CSTPP1: variants seen among roughly 807,000 people sequenced by gnomAD.
The protein encoded by CSTPP1 is UPF0705 protein C11orf49.
At chr11:47,041,096 C>G in the CSTPP1 span, 1 of 190,356 alleles carries the variant, frequency 5.3e-6, no homozygotes, top group Non-Finnish European at 1.2e-5. Flanking sequence ...GCCCCCTGCA[C>G]CTCATGGGGA....
chr11:47,037,663 A>G, the CSTPP1 span, among the ~76,000 whole-genome samples: 1 of 122,498 alleles, frequency 8.2e-6, no homozygotes. Flanking sequence ...TTCAACCCTG[A>G]GTGGATACAG....
chr11:46,951,276 A>G, the CSTPP1 span, among the ~76,000 whole-genome samples: 1 of 150,124 alleles, frequency 6.7e-6, no homozygotes, highest in Non-Finnish European at 1.5e-5. Context: ...TACAGAATAT[A>G]TGATATATTC....
chr11:46,967,610 A>G, the CSTPP1 span, among the ~76,000 whole-genome samples: 5 of 152,130 alleles, frequency 3.3e-5, no homozygotes, highest in East Asian at 9.6e-4. Context: ...GATTTGTAAA[A>G]TGAAGAATAA....
At chr11:47,163,731 C>A in the CSTPP1 span, among the ~76,000 whole-genome samples, 1 of 152,154 alleles carries the variant, frequency 6.6e-6, no homozygotes, top group Non-Finnish European at 1.5e-5. Flanking sequence ...CAACCTCTGC[C>A]TCCCGGGTTC....
the CSTPP1 span, among the ~76,000 whole-genome samples, chr11:47,105,297 C>G: frequency 6.6e-6 from 1 of 152,036 alleles, no homozygotes; most frequent in Non-Finnish European, 1.5e-5. Flanking sequence ...GGGTTCCAGA[C>G]TAGCCTGGGC....
chr11:47,065,977 T>TTGTGTGTGTGTGTGTGTGTGTG, the CSTPP1 span, among the ~76,000 whole-genome samples: 202 of 146,086 alleles, frequency 1.4e-3, 1 homozygote, highest in Non-Finnish European at 1.4e-3. Context: ...GGTCTAACAG[T>TTGTGTGTGTGTGTGTGTGTGTG]TGTGTGTGTG....
the CSTPP1 span, among the ~76,000 whole-genome samples, chr11:46,961,125 G>T: frequency 2.0e-5 from 3 of 152,218 alleles, no homozygotes; most frequent in South Asian, 6.2e-4. Context: ...GTAACTCTAT[G>T]TTTAACTTTT....
At chr11:47,141,622 T>C in the CSTPP1 span, among the ~76,000 whole-genome samples, 1 of 132,630 alleles carries the variant, frequency 7.5e-6, no homozygotes. Context: ...AAAAAAAAAA[T>C]CAAATAAGTA....
chr11:46,974,680 AAAAACAAAAC>A, the CSTPP1 span, among the ~76,000 whole-genome samples: 1 of 151,600 alleles, frequency 6.6e-6, no homozygotes, highest in Non-Finnish European at 1.5e-5. Flanking sequence ...ATCTATACCA[AAAAACAAAAC>A]AAAACAAAAC....
chr11:46,979,058 A>G, the CSTPP1 span, among the ~76,000 whole-genome samples: 14 of 152,364 alleles, frequency 9.2e-5, no homozygotes, highest in Admixed American at 9.1e-4. Flanking sequence ...CATATTACCA[A>G]TTAATATTAA....
the CSTPP1 span, among the ~76,000 whole-genome samples, chr11:47,113,984 G>A: frequency 7.9e-5 from 12 of 152,038 alleles, no homozygotes; most frequent in Non-Finnish European, 1.5e-4. Context: ...GTTTTAGGTC[G>A]AACATTTAAG....
At chr11:47,094,377 T>C in the CSTPP1 span, among the ~76,000 whole-genome samples, 1 of 152,288 alleles carries the variant, frequency 6.6e-6, no homozygotes, top group Middle Eastern at 3.4e-3. Flanking sequence ...GATGAATCAA[T>C]TCTAAAGACC....
the CSTPP1 span, among the ~76,000 whole-genome samples, chr11:46,974,201 T>C: frequency 6.6e-6 from 1 of 151,994 alleles, no homozygotes; most frequent in East Asian, 1.9e-4. Context: ...CACACTGCAC[T>C]CCACTGTGGG....
At chr11:47,145,134 C>T in the CSTPP1 span, among the ~76,000 whole-genome samples, 10 of 152,030 alleles carry the variant, frequency 6.6e-5, no homozygotes, top group South Asian at 2.1e-4. Context: ...ACTACAGGCA[C>T]GCACCACCAT....
chr11:47,013,221 ATATT>A, the CSTPP1 span, among the ~76,000 whole-genome samples: 1 of 149,242 alleles, frequency 6.7e-6, no homozygotes, highest in Non-Finnish European at 1.5e-5. Context: ...TTATATATAT[ATATT>A]TATTTATTTA....
At chr11:47,071,388 C>T in the CSTPP1 span, among the ~76,000 whole-genome samples, 6 of 152,166 alleles carry the variant, frequency 3.9e-5, no homozygotes, top group East Asian at 1.2e-3. Flanking sequence ...GTTTTCTCAT[C>T]TATAAAATGG....
the CSTPP1 span, chr11:46,936,916 G>C: frequency 2.7e-6 from 4 of 1,455,608 alleles, no homozygotes; most frequent in Non-Finnish European, 3.6e-6. Context: ...GGGTCTGGGA[G>C]GAGGCGGGGG....
the CSTPP1 span, among the ~76,000 whole-genome samples, chr11:47,121,861 C>G: frequency 6.6e-6 from 1 of 151,018 alleles, no homozygotes; most frequent in Non-Finnish European, 1.5e-5. Flanking sequence ...TGCATGAGCC[C>G]AGGAGTTTGA....
the CSTPP1 span, among the ~76,000 whole-genome samples, chr11:47,107,102 G>A: frequency 6.6e-6 from 1 of 152,196 alleles, no homozygotes; most frequent in Non-Finnish European, 1.5e-5. Flanking sequence ...GCTGTGTAGT[G>A]GAGCAGCGGA....
Sources: gnomAD v4.1 joint callset for allele counts (sites outside exome capture counted in the v4.1 genomes callset) on GRCh38, gnomAD v4.1.1 for gene constraint, MANE v1.5 for transcripts, NCBI Gene and HGNC (gene_info 2026-07-23, HGNC 2026-07-21) for gene names.